The following SET variants were observed in gnomAD, a reference collection of about 807,000 sequenced individuals.
SET encodes the protein protein SET.
In SET, 4 loss-of-function variants were observed where a neutral mutation model predicts 39.0. That is an observed-to-expected ratio of 0.10 (90% confidence interval 0.05 to 0.23). The LOEUF is 0.23. Among genes scored for constraint, SET ranks in the 10% least tolerant of loss-of-function variants. The probability of loss-of-function intolerance (pLI) is 1.00; values close to 1 mark genes in which losing one functional copy is unlikely to be tolerated. For synonymous variants in SET, 114 were observed against 115.9 expected (o/e 0.98, Z 0.11); for missense variants, 137 against 329.7 (o/e 0.42, Z 4.53).
rs541691638 is a variant in SET, at chr9:128,695,801, A to C, written c.*1137A>C. On this transcript the variant is annotated 3_prime_UTR_variant, in exon 8 of 8. Transcript: ENST00000322030. ...ATACCAGATAGCTCAATACTCTCTG[A>C]GTACATTGTGCCCTTGATTTTTATC... The C allele has an allele frequency of 1.2e-4, 28 of 228,278 alleles. No homozygotes were observed. Among genetic ancestry groups the C allele is most frequent in the African/African-American group, 6.2e-4 (28 of 45,282 alleles). The allele number at this position is 228,278 out of a possible 1,614,324, so 14.1% of individuals were successfully genotyped here. A position where few individuals can be genotyped will look rare whatever the true frequency, so the allele number is the denominator to read the frequency against.
chr9:128,692,516 GAT>G, intron 3 of SET, 144 bp from the exon 4 acceptor site: 1 of 586,004 alleles, frequency 1.7e-6, no homozygotes, highest in Non-Finnish European at 3.1e-6. Flanking sequence ...GTGACAGTCT[GAT>G]ATTGAGCAAT....
exon 1 of SET, chr9:128,683,758 G>A: frequency 1.5e-6 from 1 of 671,296 alleles, no homozygotes; most frequent in Non-Finnish European, 2.5e-6. Flanking sequence ...GTGTCCCACT[G>A]TCATGTAAAT....
chr9:128,686,200 C>T (rs1455674452), upstream of SET, among the ~76,000 whole-genome samples: 2 of 152,254 alleles, frequency 1.3e-5, no homozygotes, highest in East Asian at 1.9e-4. Context: ...CCCGGCTCGC[C>T]TGTGTTTACT....
chr9:128,690,036 G>T, intron 1 of SET: 2 of 1,020,310 alleles, frequency 2.0e-6, no homozygotes, highest in Non-Finnish European at 2.4e-6. Context: ...GGTGCGGCCG[G>T]ACGCGGCCCC....
chr9:128,688,993 G>C (rs1025923254), upstream of SET, among the ~76,000 whole-genome samples: 23 of 151,578 alleles, frequency 1.5e-4, no homozygotes, highest in African/African-American at 5.5e-4. Context: ...CCGCGCGCCA[G>C]TGTCCTGGGT....
chr9:128,684,082 A>C, intron 1 of SET: 6 of 1,207,920 alleles, frequency 5.0e-6, no homozygotes, highest in East Asian at 2.6e-5. Flanking sequence ...TTACCCCCCA[A>C]TCCCTCTTGA....
chr9:128,690,040 C>T (rs1323426162), intron 1 of SET: 10 of 1,010,202 alleles, frequency 9.9e-6, no homozygotes, highest in Non-Finnish European at 1.2e-5. Context: ...CGGCCGGACG[C>T]GGCCCCGCGC....
At chr9:128,684,363 T>C (rs1019945329), upstream of SET, among the ~76,000 whole-genome samples, 8 of 152,272 alleles carry the variant, frequency 5.3e-5, no homozygotes, top group African/African-American at 1.9e-4. Context: ...CTGGTGGTTC[T>C]ACCTCAGTAT....
chr9:128,688,966 C>A (rs534978457), upstream of SET, among the ~76,000 whole-genome samples: 17 of 151,786 alleles, frequency 1.1e-4, 1 homozygote, highest in South Asian at 2.7e-3. Context: ...CCGTGCGACG[C>A]CCCGCCCACC....
chr9:128,696,161 C>T lies in SET; in HGVS notation c.*1497C>T. 4.7e-6 allele frequency: 1 copy of T among 214,544 alleles called. No homozygotes were observed. Among genetic ancestry groups the T allele is most frequent in the Non-Finnish European group, 9.5e-6 (1 of 104,806 alleles). 13.3% of individuals were successfully genotyped at this position (214,544 alleles called of 1,614,324 possible). On this transcript the variant is annotated 3_prime_UTR_variant, in exon 8 of 8. Coordinates refer to ENST00000322030, the MANE Select transcript of SET (RefSeq NM_003011.4). ...TTTTTAATGCTGTAAAATATAGTCG[C>T]TGAAATTAAATGCCACTTTTTCAGA...
In SET at chr9:128,695,891, C is replaced by T. The variant is rs978047597; in HGVS notation, c.*1227C>T. On this transcript the variant is annotated 3_prime_UTR_variant, in exon 8 of 8. Coordinates refer to ENST00000322030, the MANE Select transcript of SET (RefSeq NM_003011.4). ...ATAAATTAATTGTGCCTGCCACCAC[C>T]ATCCAACAGACCTGGTGCTCTAATG... 3 of 227,868 alleles carry T rather than the reference C, an allele frequency of 1.3e-5. No homozygotes were observed. The highest frequency in any genetic ancestry group is 6.6e-5 in the African/African-American group (3 of 45,300). 14.1% of individuals were successfully genotyped at this position (227,868 alleles called of 1,614,324 possible). A position where few individuals can be genotyped will look rare whatever the true frequency, so the allele number is the denominator to read the frequency against.
chr9:128,693,392 A>G (rs1332831506), intron 5 of SET, among the ~76,000 whole-genome samples: 2 of 152,144 alleles, frequency 1.3e-5, no homozygotes, highest in East Asian at 3.8e-4. Flanking sequence ...CATAGTTTAG[A>G]TATTTATACT....
At chr9:128,694,371 T>G (rs1367368442) in intron 7 of SET, among the ~76,000 whole-genome samples, 1 of 152,192 alleles carries the variant, frequency 6.6e-6, no homozygotes, top group Non-Finnish European at 1.5e-5. Flanking sequence ...TTCATGTATT[T>G]TCGACAAACT....
chr9:128,685,959 G>A (rs149641837), upstream of SET, among the ~76,000 whole-genome samples: 2 of 152,064 alleles, frequency 1.3e-5, no homozygotes, highest in Admixed American at 6.6e-5. Context: ...CTCCGGAGGC[G>A]GAGGTTGCAA....
At chr9:128,688,459 C>T (rs1214867595), upstream of SET, among the ~76,000 whole-genome samples, 1 of 152,174 alleles carries the variant, frequency 6.6e-6, no homozygotes, top group African/African-American at 2.4e-5. Context: ...GTGAGATAAC[C>T]GTGCCATGCG....
chr9:128,691,247 A>G lies in SET; in HGVS notation c.131+20A>G, dbSNP rs1043528807. ...AGACAGGTAACATTTTTCTTAATAT[A>G]CTTCGGAGAAATTTTCTGAGATGTG... On this transcript the variant is annotated intron_variant, in intron 2 of 7. Transcript: ENST00000322030. 1 of 1,516,134 alleles carries G rather than the reference A, an allele frequency of 6.6e-7. No individual in the cohort carries two copies. Among genetic ancestry groups the G allele is most frequent in the Middle Eastern group, 2.4e-4 (1 of 4,220 alleles). The allele number at this position is 1,516,134 out of a possible 1,614,324, so 93.9% of individuals were successfully genotyped here. A position where few individuals can be genotyped will look rare whatever the true frequency, so the allele number is the denominator to read the frequency against.
chr9:128,687,724 T>C (rs991987017), upstream of SET, among the ~76,000 whole-genome samples: 1 of 152,062 alleles, frequency 6.6e-6, no homozygotes, highest in Admixed American at 6.6e-5. Context: ...ATTTCAGGTA[T>C]TTTTTTGTTT....
At chr9:128,692,839 A>G (rs1861596978) in intron 4 of SET, 29 bp from the exon 5 acceptor site, 4 of 1,521,486 alleles carry the variant, frequency 2.6e-6, no homozygotes, top group Non-Finnish European at 2.7e-6. Flanking sequence ...ACCTGTTCAT[A>G]TTTCTAATCT....
chr9:128,688,793 C>G (rs1424007210), upstream of SET, among the ~76,000 whole-genome samples: 1 of 152,330 alleles, frequency 6.6e-6, no homozygotes, highest in South Asian at 2.1e-4. Context: ...CCCCTGCTTT[C>G]TCCACGAAGT....
Sources: gnomAD v4.1 joint callset for allele counts (sites outside exome capture counted in the v4.1 genomes callset) on GRCh38, gnomAD v4.1.1 for gene constraint, MANE v1.5 for transcripts, NCBI Gene and HGNC (gene_info 2026-07-23, HGNC 2026-07-21) for gene names.